Variants in PTPRN2 observed in about 807,000 individuals in gnomAD.
PTPRN2 encodes the protein receptor-type tyrosine-protein phosphatase N2.
PTPRN2 carries 74 observed loss-of-function variants against 118.8 expected under a neutral mutation model. The ratio of observed to expected loss-of-function variants is 0.62; its 90% CI spans 0.52 to 0.76. PTPRN2 has a LOEUF of 0.76. PTPRN2 is among the 30% of genes least tolerant of loss of function. The probability of loss-of-function intolerance (pLI) is 0.00; values close to 1 mark genes in which losing one functional copy is unlikely to be tolerated. For synonymous variants in PTPRN2, 641 were observed against 608.0 expected, an observed-to-expected ratio of 1.05 and a Z score of -0.80; for missense variants, 1,481 against 1,394.4, an observed-to-expected ratio of 1.06 and a Z score of -0.99.
At chr7:158,380,859 G>A (rs905037316) in intron 2 of PTPRN2, among the ~76,000 whole-genome samples, 1 of 152,256 alleles carries the variant, frequency 6.6e-6, no homozygotes. Context: ...CCAAACCCCA[G>A]TACTTGACTT....
At chr7:157,713,775 G>A (rs1038534158) in intron 12 of PTPRN2, among the ~76,000 whole-genome samples, 4 of 152,142 alleles carry the variant, frequency 2.6e-5, no homozygotes, top group East Asian at 3.8e-4. Context: ...GCTTTGCTAC[G>A]GACACGGAGC....
chr7:158,248,624 ACG>A (rs1182316113), intron 3 of PTPRN2, among the ~76,000 whole-genome samples: 3 of 149,388 alleles, frequency 2.0e-5, no homozygotes, highest in Non-Finnish European at 4.5e-5. Flanking sequence ...GCACATACAC[ACG>A]CACACACACC....
intron 15 of PTPRN2, among the ~76,000 whole-genome samples, chr7:157,621,154 T>G (rs13308720): frequency 0.36 from 12,863 of 35,512 alleles, 1,184 homozygotes; most frequent in Non-Finnish European, 0.39. Flanking sequence ...CCGCCCCCGG[T>G]GCTGGTATGT....
chr7:157,834,738 G>A (rs933813791), intron 12 of PTPRN2, among the ~76,000 whole-genome samples: 4 of 152,258 alleles, frequency 2.6e-5, no homozygotes, highest in African/African-American at 9.6e-5. Flanking sequence ...GCCTGGAGCC[G>A]GCCTGCAGGG....
At chr7:158,357,400 G>A (rs1370411900) in intron 2 of PTPRN2, among the ~76,000 whole-genome samples, 6 of 152,234 alleles carry the variant, frequency 3.9e-5, no homozygotes, top group Non-Finnish European at 8.8e-5. Context: ...GGAGGTGACA[G>A]GAGGTGCCTC....
At chr7:158,223,473 T>A (rs1828513025) in intron 3 of PTPRN2, among the ~76,000 whole-genome samples, 1 of 152,086 alleles carries the variant, frequency 6.6e-6, no homozygotes, top group Admixed American at 6.5e-5. Flanking sequence ...TGATACATCA[T>A]GAGGTTTATT....
chr7:157,775,505 A>G (rs1803148029), intron 12 of PTPRN2, among the ~76,000 whole-genome samples: 3 of 152,350 alleles, frequency 2.0e-5, no homozygotes, highest in African/African-American at 4.8e-5. Context: ...TCCTGAATAC[A>G]GGACTCGATG....
At chr7:158,403,896 A>G (rs964341922) in intron 2 of PTPRN2, among the ~76,000 whole-genome samples, 1 of 152,226 alleles carries the variant, frequency 6.6e-6, no homozygotes, top group African/African-American at 2.4e-5. Context: ...ACAAAAAGTC[A>G]CCTAATTAAG....
At chr7:157,664,856 G>A (rs1300347483) in intron 13 of PTPRN2, among the ~76,000 whole-genome samples, 2 of 152,250 alleles carry the variant, frequency 1.3e-5, no homozygotes, top group Non-Finnish European at 2.9e-5. Context: ...AGCCTCCTCT[G>A]AGAGAAAGCT....
intron 12 of PTPRN2, among the ~76,000 whole-genome samples, chr7:157,718,415 G>A (rs1339586277): frequency 3.9e-5 from 6 of 152,240 alleles, no homozygotes; most frequent in Admixed American, 2.0e-4. Flanking sequence ...TGGAGGCACA[G>A]TCTGATTCTA....
chr7:158,200,741 T>C (rs1826580678), intron 4 of PTPRN2, among the ~76,000 whole-genome samples: 1 of 152,158 alleles, frequency 6.6e-6, no homozygotes, highest in South Asian at 2.1e-4. Flanking sequence ...TAGACACTAA[T>C]TTGAAGTTTA....
intron 2 of PTPRN2, among the ~76,000 whole-genome samples, chr7:158,433,870 G>C (rs1370072874): frequency 6.6e-6 from 1 of 151,938 alleles, no homozygotes; most frequent in Non-Finnish European, 1.5e-5. Context: ...TCCCAAAATT[G>C]TTTAATATTG....
At position 158,423,748 on chromosome 7, in the gene PTPRN2, T is replaced by A. The variant is rs543386288; in HGVS notation, c.163+65987A>T. ...CTGGTCTCAAACTCCTGACCTCAAGTGTTCCGCCCACCTCCGCCTCCCAAA... is the reference window on the plus strand; with the variant it reads ...CTGGTCTCAAACTCCTGACCTCAAGAGTTCCGCCCACCTCCGCCTCCCAAA... On this transcript the variant is annotated intron_variant, in intron 2 of 22. Coordinates refer to ENST00000389418, the MANE Select transcript of PTPRN2 (RefSeq NM_002847.5). 3.3e-5 allele frequency among the ~76,000 whole-genome samples: 5 copies of A among 151,032 alleles called. No homozygotes were observed. In the East Asian group the frequency reaches 5.9e-4, roughly 18 times the overall value.
chr7:158,576,309 G>C (rs951574578), intron 1 of PTPRN2, among the ~76,000 whole-genome samples: 1 of 152,198 alleles, frequency 6.6e-6, no homozygotes, highest in Admixed American at 6.5e-5. Context: ...TTGCAAGAAC[G>C]AACATCTCTG....
At chr7:158,252,340 G>A (rs1796739431) in intron 3 of PTPRN2, among the ~76,000 whole-genome samples, 1 of 152,184 alleles carries the variant, frequency 6.6e-6, no homozygotes, top group South Asian at 2.1e-4. Flanking sequence ...TCATCCCCGT[G>A]CCCAGGGTGG....
chr7:157,891,513 C>T (rs1245009188), intron 12 of PTPRN2, among the ~76,000 whole-genome samples: 2 of 144,952 alleles, frequency 1.4e-5, no homozygotes, highest in South Asian at 2.3e-4. Flanking sequence ...GTAACACACA[C>T]ATCACACGGC....
intron 12 of PTPRN2, among the ~76,000 whole-genome samples, chr7:157,866,889 C>T (rs1810723134): frequency 1.7e-5 from 2 of 119,446 alleles, no homozygotes; most frequent in East Asian, 2.7e-4. Flanking sequence ...CCTGGATACA[C>T]GGCCACCACC....
intron 17 of PTPRN2, among the ~76,000 whole-genome samples, chr7:157,580,522 A>AGCACCTGCACACCGTG: frequency 6.9e-6 from 1 of 145,038 alleles, no homozygotes; most frequent in African/African-American, 2.6e-5. Context: ...TGCACACCCC[A>AGCACCTGCACACCGTG]GCACCTGCAC....
intron 3 of PTPRN2, among the ~76,000 whole-genome samples, chr7:158,265,077 C>T (rs1226522961): frequency 6.6e-6 from 1 of 152,108 alleles, no homozygotes; most frequent in African/African-American, 2.4e-5. Context: ...CTATCTGCTC[C>T]AGGTAGGCTA....
Sources: allele counts gnomAD v4.1 joint callset (sites outside exome capture counted in the v4.1 genomes callset), GRCh38; gene constraint gnomAD v4.1.1; transcripts MANE v1.5; gene names NCBI Gene and HGNC (gene_info 2026-07-23, HGNC 2026-07-21).